Variants in GNG7 observed in about 807,000 individuals in gnomAD.
GNG7 encodes the protein G protein subunit gamma 7, also known as guanine nucleotide-binding protein G(I)/G(S)/G(O) subunit gamma-7.
A neutral mutation model predicts 4.0 loss-of-function variants in GNG7; 1 was observed. The observed-to-expected ratio is 0.25, with a 90% confidence interval of 0.09 to 1.18. The LOEUF (loss-of-function observed/expected upper bound fraction) is 1.18, where lower values mean the gene tolerates loss of function less well. GNG7 is among the 50% of genes most tolerant of loss of function. The pLI is 0.50. For synonymous variants in GNG7, 34 were observed against 36.9 expected (o/e 0.92, Z 0.29); for missense variants, 86 against 91.9 (o/e 0.94, Z 0.26).
At chr19:2,603,840 T>TTAC (rs1451117832) in intron 2 of GNG7, among the ~76,000 whole-genome samples, 2 of 108,716 alleles carry the variant, frequency 1.8e-5, no homozygotes, top group African/African-American at 1.4e-4. Context: ...GCCTGTTCTT[T>TTAC]TATTATTATT....
At chr19:2,569,723 G>A (rs888321730) in intron 2 of GNG7, among the ~76,000 whole-genome samples, 2 of 152,246 alleles carry the variant, frequency 1.3e-5, no homozygotes, top group African/African-American at 2.4e-5. Flanking sequence ...GCTGAGCAGC[G>A]TCCCTGGCTT....
rs1243171175 is a variant in GNG7, at chr19:2,514,855, CT to C, written c.*166del. The C allele has an allele frequency of 3.3e-5, 20 of 610,378 alleles. No homozygotes were observed. The highest frequency in any genetic ancestry group is 5.8e-5 in the East Asian group (2 of 34,326). 37.8% of individuals were successfully genotyped at this position (610,378 alleles called of 1,614,324 possible). ...TACCCCATCCGGGCGGTGGGAACGC[CT>C]TTTTTGGCGGGGAGAGGGGGGATTT... On this transcript the variant is annotated 3_prime_UTR_variant, in exon 5 of 5. Coordinates refer to ENST00000382159, the MANE Select transcript of GNG7 (RefSeq NM_052847.3).
intron 2 of GNG7, among the ~76,000 whole-genome samples, chr19:2,577,844 CTTT>C (rs112517007): frequency 5.1e-5 from 7 of 137,318 alleles, no homozygotes; most frequent in East Asian, 2.1e-4. Flanking sequence ...TGTTATTTTC[CTTT>C]TTTTTTTTTT....
At chr19:2,602,934 C>CCTTT (rs755239419) in intron 2 of GNG7, among the ~76,000 whole-genome samples, 201 of 104,708 alleles carry the variant, frequency 1.9e-3, no homozygotes, top group Non-Finnish European at 3.4e-3. Context: ...TTTGTTTCTT[C>CCTTT]CTTTCTTCCT....
In GNG7 at chr19:2,618,162, C is replaced by A. The variant is rs535913994; in HGVS notation, c.-78+28062G>T. Among the ~76,000 whole-genome samples the A allele has an allele frequency of 6.6e-6, 1 of 152,112 alleles. No homozygotes were observed. The highest frequency in any genetic ancestry group is 2.1e-4 in the South Asian group (1 of 4,814). ...GCTGTCCCTGGCACACAGTGAGTGT[C>A]GGGTCAATATTTGCGACTGACCGAC... On this transcript the variant is annotated intron_variant, in intron 2 of 4. Transcript: ENST00000382159. This position sits in a 1 kb window ranked among gnomAD's most constrained non-coding sequence, Gnocchi z 5.1.
chr19:2,665,246 C>T (rs1983275968), intron 1 of GNG7, among the ~76,000 whole-genome samples: 1 of 152,096 alleles, frequency 6.6e-6, no homozygotes, highest in South Asian at 2.1e-4. Flanking sequence ...GGGATGGAGC[C>T]GTCCTGAGCA....
chr19:2,531,132 C>T (rs1978568293), intron 3 of GNG7, among the ~76,000 whole-genome samples: 1 of 151,756 alleles, frequency 6.6e-6, no homozygotes, highest in Non-Finnish European at 1.5e-5. Flanking sequence ...ATGGTGAAAC[C>T]CCGTCTCTAC....
chr19:2,536,655 G>A (rs1314842339), intron 3 of GNG7, among the ~76,000 whole-genome samples: 1 of 152,212 alleles, frequency 6.6e-6, no homozygotes, highest in Non-Finnish European at 1.5e-5. Context: ...CTGCAGCGAG[G>A]TCCCGACAGG....
At chr19:2,651,253 C>G (rs1982807195) in intron 1 of GNG7, among the ~76,000 whole-genome samples, 1 of 93,928 alleles carries the variant, frequency 1.1e-5, no homozygotes, top group Non-Finnish European at 2.4e-5. Context: ...CCTTTCCTTC[C>G]TTCCTTCCTT....
chr19:2,700,058 T>C (rs768799999), intron 1 of GNG7, among the ~76,000 whole-genome samples: 15 of 151,962 alleles, frequency 9.9e-5, no homozygotes, highest in Admixed American at 9.2e-4. Flanking sequence ...ACAGGCTCCA[T>C]ATTTGAGACT....
intron 4 of GNG7, among the ~76,000 whole-genome samples, chr19:2,516,239 A>C (rs1972733546): frequency 6.6e-6 from 1 of 151,994 alleles, no homozygotes; most frequent in Non-Finnish European, 1.5e-5. Flanking sequence ...TAAACAAATA[A>C]ATAAATTTAT....
intron 3 of GNG7, among the ~76,000 whole-genome samples, chr19:2,550,141 G>T (rs1979269297): frequency 6.6e-6 from 1 of 152,136 alleles, no homozygotes; most frequent in African/African-American, 2.4e-5. Flanking sequence ...GGTTGAGACT[G>T]GCTCACAGGA....
chr19:2,682,271 C>T (rs1983757476), intron 1 of GNG7, among the ~76,000 whole-genome samples: 1 of 152,096 alleles, frequency 6.6e-6, no homozygotes, highest in African/African-American at 2.4e-5. Flanking sequence ...TAGAAGGAAG[C>T]CGGAGTTTTA....
At chr19:2,587,618 G>T (rs1478693891) in intron 2 of GNG7, among the ~76,000 whole-genome samples, 1 of 152,094 alleles carries the variant, frequency 6.6e-6, no homozygotes, top group African/African-American at 2.4e-5. Flanking sequence ...GGCCTGGGCT[G>T]CTGAGTCACC....
At chr19:2,564,076 T>C (rs369451377) in intron 2 of GNG7, among the ~76,000 whole-genome samples, 36 of 152,242 alleles carry the variant, frequency 2.4e-4, no homozygotes, top group Middle Eastern at 3.4e-3. Context: ...AACAGGAGTG[T>C]AGCTAATTTT....
chr19:2,539,212 G>GT (rs1978860873), intron 3 of GNG7, among the ~76,000 whole-genome samples: 1 of 151,780 alleles, frequency 6.6e-6, no homozygotes, highest in Admixed American at 6.6e-5. Flanking sequence ...ATTATCTTCT[G>GT]TTTTTTCCTT....
intron 1 of GNG7, among the ~76,000 whole-genome samples, chr19:2,671,990 G>A (rs1983465400): frequency 7.2e-6 from 1 of 138,804 alleles, no homozygotes; most frequent in Non-Finnish European, 1.5e-5. Flanking sequence ...GGTGGAGCTT[G>A]CAGTGAGCCG....
intron 2 of GNG7, among the ~76,000 whole-genome samples, chr19:2,599,423 G>A (rs935561219): frequency 2.0e-5 from 3 of 152,080 alleles, no homozygotes; most frequent in South Asian, 2.1e-4. Context: ...GCGGGAGAAA[G>A]CACCGCCCAC....
rs1398892951 is a variant in GNG7, at chr19:2,581,844, G to T, written c.-77-26656C>A. Among the ~76,000 whole-genome samples the T allele has an allele frequency of 2.0e-5, 3 of 152,168 alleles. No homozygotes were observed. In the East Asian group the frequency reaches 5.8e-4, roughly 29 times the overall value. ...TGACAAGTGGCCAGTTGCTCAATTT[G>T]TGTTAGAGAAACAGAGAATGTCTGG... On this transcript the variant is annotated intron_variant, in intron 2 of 4. Transcript: ENST00000382159.
Sources: allele counts gnomAD v4.1 joint callset (sites outside exome capture counted in the v4.1 genomes callset), GRCh38; gene constraint gnomAD v4.1.1; non-coding constraint Gnocchi (gnomAD v3.1); transcripts MANE v1.5; gene names NCBI Gene and HGNC (gene_info 2026-07-23, HGNC 2026-07-21).